The following STPG2 variants were observed in gnomAD, a reference collection of about 807,000 sequenced individuals.
STPG2 encodes sperm-tail PG-rich repeat-containing protein 2.
In STPG2, 56 loss-of-function variants were observed where a neutral mutation model predicts 54.2. That is an observed-to-expected ratio of 1.03 (90% CI 0.83 to 1.29). The LOEUF is 1.29. Ranked by LOEUF, STPG2 falls within the 50% of genes most tolerant of loss-of-function variation. The pLI, the probability that STPG2 is intolerant of heterozygous loss-of-function variation, is 0.00. For synonymous variants in STPG2, 200 were observed against 181.8 expected (o/e 1.10, Z -0.81); for missense variants, 596 against 544.9 (o/e 1.09, Z -0.93).
chr4:97,480,436 A>G (rs1362931411), intron 4 of STPG2, among the ~76,000 whole-genome samples: 1 of 151,654 alleles, frequency 6.6e-6, no homozygotes, highest in African/African-American at 2.4e-5. Flanking sequence ...AAAGTGAAGG[A>G]GACAGACCTC....
intron 8 of STPG2, among the ~76,000 whole-genome samples, chr4:97,846,539 C>T (rs573744320): frequency 7.9e-4 from 117 of 148,894 alleles, no homozygotes; most frequent in Non-Finnish European, 1.5e-3. Context: ...GCAGGAGAAT[C>T]GCTTGAACCC....
intron 9 of STPG2, among the ~76,000 whole-genome samples, chr4:97,725,795 T>A (rs1277600896): frequency 6.6e-6 from 1 of 151,122 alleles, no homozygotes; most frequent in South Asian, 2.2e-4. Flanking sequence ...CTATAAAACA[T>A]AAACGACCTG....
At chr4:98,093,057 C>G (rs762484674) in intron 5 of STPG2, among the ~76,000 whole-genome samples, 1 of 152,118 alleles carries the variant, frequency 6.6e-6, no homozygotes, top group African/African-American at 2.4e-5. Context: ...TGAAACTGTA[C>G]TCAGTTATTT....
At chr4:97,895,417 G>C (rs1368876856) in intron 8 of STPG2, among the ~76,000 whole-genome samples, 1 of 151,838 alleles carries the variant, frequency 6.6e-6, no homozygotes, top group African/African-American at 2.4e-5. Context: ...GAGGATGTAT[G>C]TCGATTCTGT....
intron 10 of STPG2, among the ~76,000 whole-genome samples, chr4:97,636,564 G>A (rs1721540167): frequency 6.7e-6 from 1 of 149,424 alleles, no homozygotes; most frequent in South Asian, 2.1e-4. Context: ...CTGGTTTTTT[G>A]AAAGGATCAA....
At chr4:97,941,082 A>G (rs1372933039) in intron 8 of STPG2, among the ~76,000 whole-genome samples, 3 of 152,130 alleles carry the variant, frequency 2.0e-5, no homozygotes, top group Admixed American at 1.3e-4. Context: ...AGAACTCTAT[A>G]TCCAAAATCA....
chr4:98,101,306 T>C (rs1739030113), intron 5 of STPG2, among the ~76,000 whole-genome samples: 1 of 152,154 alleles, frequency 6.6e-6, no homozygotes, highest in Non-Finnish European at 1.5e-5. Flanking sequence ...GAAAGCACCA[T>C]GGGAGAGACA....
At chr4:97,642,630 TA>T (rs1354203601) in intron 10 of STPG2, among the ~76,000 whole-genome samples, 1 of 151,476 alleles carries the variant, frequency 6.6e-6, no homozygotes, top group Non-Finnish European at 1.5e-5. Flanking sequence ...AAGATCATGG[TA>T]AAATTTTAAG....
intron 10 of STPG2, among the ~76,000 whole-genome samples, chr4:97,690,463 G>A (rs1723329727): frequency 6.6e-6 from 1 of 151,778 alleles, no homozygotes; most frequent in Non-Finnish European, 1.5e-5. Flanking sequence ...CCAAGAGTAG[G>A]CAATAGGTCC....
At chr4:97,527,894 T>A (rs1409390559) in intron 4 of STPG2, among the ~76,000 whole-genome samples, 3 of 152,210 alleles carry the variant, frequency 2.0e-5, no homozygotes, top group Non-Finnish European at 4.4e-5. Flanking sequence ...AGATTCTGGA[T>A]ATTAGCTCTT....
At chr4:98,009,631 T>C (rs1159979772) in intron 5 of STPG2, among the ~76,000 whole-genome samples, 1 of 141,150 alleles carries the variant, frequency 7.1e-6, no homozygotes, top group East Asian at 2.0e-4. Context: ...AATGTTTCCT[T>C]ACTGAATTTC....
At chr4:97,848,160 A>G (rs1253978314) in intron 8 of STPG2, among the ~76,000 whole-genome samples, 1 of 152,170 alleles carries the variant, frequency 6.6e-6, no homozygotes, top group Non-Finnish European at 1.5e-5. Flanking sequence ...CAAATTTACA[A>G]CTGTAAAAGC....
intron 9 of STPG2, among the ~76,000 whole-genome samples, chr4:97,837,205 G>T (rs1341745426): frequency 1.3e-5 from 2 of 151,394 alleles, no homozygotes; most frequent in Non-Finnish European, 3.0e-5. Context: ...TTAAGTTTTG[G>T]TATCAATAAT....
At chr4:97,602,335 T>G (rs181299827) in intron 10 of STPG2, among the ~76,000 whole-genome samples, 1 of 151,924 alleles carries the variant, frequency 6.6e-6, no homozygotes, top group East Asian at 1.9e-4. Flanking sequence ...AAGGACAGTT[T>G]TTGTTCTTTA....
intron 1 of STPG2, among the ~76,000 whole-genome samples, chr4:98,135,688 G>T (rs1469202977): frequency 6.6e-6 from 1 of 151,640 alleles, no homozygotes; most frequent in Non-Finnish European, 1.5e-5. Flanking sequence ...AAGGTAAAAG[G>T]AAGGGAAAGG....
intron 8 of STPG2, among the ~76,000 whole-genome samples, chr4:97,881,280 T>C (rs529009717): frequency 6.6e-6 from 1 of 152,254 alleles, no homozygotes; most frequent in Admixed American, 6.5e-5. Flanking sequence ...TTTTCCAATA[T>C]TTTCCATAAG....
chr4:97,599,118 A>C (rs1733385108), intron 10 of STPG2, among the ~76,000 whole-genome samples: 1 of 152,214 alleles, frequency 6.6e-6, no homozygotes, highest in Admixed American at 6.5e-5. Context: ...TTATCAAAAG[A>C]AGACATATTT....
intron 8 of STPG2, among the ~76,000 whole-genome samples, chr4:97,883,688 T>C (rs1379670860): frequency 1.3e-5 from 2 of 152,032 alleles, no homozygotes; most frequent in South Asian, 2.1e-4. Flanking sequence ...GATGGATCAA[T>C]AAAAATTATT....
chr4:97,741,631 C>T (rs1725238319), intron 9 of STPG2, among the ~76,000 whole-genome samples: 1 of 152,188 alleles, frequency 6.6e-6, no homozygotes, highest in Non-Finnish European at 1.5e-5. Flanking sequence ...CATCACTGGC[C>T]ATCAGAGAAA....
Sources: gnomAD v4.1 joint callset for allele counts (sites outside exome capture counted in the v4.1 genomes callset) on GRCh38, gnomAD v4.1.1 for gene constraint, MANE v1.5 for transcripts, NCBI Gene and HGNC (gene_info 2026-07-23, HGNC 2026-07-21) for gene names.